The following ERG variants were observed in gnomAD, a reference collection of about 807,000 sequenced individuals.
ERG encodes ETS transcription factor ERG.
In ERG, 9 loss-of-function variants were observed where a neutral mutation model predicts 55.3. The ratio of observed to expected loss-of-function variants is 0.16; its 90% CI spans 0.10 to 0.28. The LOEUF is 0.28. Among genes scored for constraint, ERG ranks in the 10% least tolerant of loss-of-function variants. The pLI is 1.00. For missense variants in ERG, 434 were observed against 631.6 expected (o/e 0.69, Z 3.35); for synonymous variants, 223 against 237.3 (o/e 0.94, Z 0.55).
rs751162855 is a variant in ERG, at chr21:38,460,387, TC to T, written c.19-14767del. On this transcript the variant is annotated intron_variant, in intron 1 of 9. Coordinates refer to ENST00000288319, the MANE Select transcript of ERG (RefSeq NM_182918.4). The surrounding 1 kb of genome is among the most constrained non-coding windows in gnomAD (Gnocchi z 5.0). ...CTTCTTCTGTGTTGCACTAATATTT[TC>T]CATCTCATAAGGGTTCTGCAAAGAA... Among the ~76,000 whole-genome samples, 1 of 152,228 alleles carries T rather than the reference TC, an allele frequency of 6.6e-6. No individual in the cohort carries two copies. Among genetic ancestry groups the T allele is most frequent in the African/African-American group, 2.4e-5 (1 of 41,456 alleles).
rs555415961 is a variant in ERG at position 38,391,600 on chromosome 21, A to T, written c.871+59T>A. The stretch of plus-strand genomic sequence containing the variant: ...CCATTAAAAAGTGAAGCATTTTAGA[A>T]ATGTGCTGCTGAGCCTGAATCTTCT... On this transcript the variant is annotated intron_variant, in intron 8 of 9. Transcript: ENST00000288319. 4.2e-5 allele frequency: 56 copies of T among 1,347,578 alleles called. 1 individual carries two copies. The Middle Eastern group carries it at 1.8e-3, about 44-fold the overall frequency. 83.5% of individuals were successfully genotyped at this position (1,347,578 alleles called of 1,614,324 possible).
intron 1 of ERG, among the ~76,000 whole-genome samples, chr21:38,632,770 C>A (rs896084231): frequency 6.6e-6 from 1 of 152,152 alleles, no homozygotes; most frequent in Non-Finnish European, 1.5e-5. Flanking sequence ...TTATTGGCAG[C>A]ATAAAAACAG....
At chr21:38,609,930 T>C (rs545333595) in intron 1 of ERG, among the ~76,000 whole-genome samples, 48 of 152,364 alleles carry the variant, frequency 3.2e-4, no homozygotes, top group African/African-American at 1.1e-3. Context: ...TTTTTCGTTT[T>C]ATTATGACTG....
intron 2 of ERG, among the ~76,000 whole-genome samples, chr21:38,566,878 C>A (rs566518090): frequency 6.6e-6 from 1 of 152,334 alleles, no homozygotes; most frequent in East Asian, 1.9e-4. Context: ...GCTTTAGATA[C>A]CAGGAATCTG....
chr21:38,560,995 C>T (rs16996485), intron 2 of ERG, among the ~76,000 whole-genome samples: 5,179 of 152,220 alleles, frequency 0.034, 106 homozygotes, highest in Middle Eastern at 0.12. Context: ...TTTTCTAACA[C>T]ATACTTTTTA....
chr21:38,595,600 A>G (rs888522790), intron 1 of ERG, among the ~76,000 whole-genome samples: 4 of 152,218 alleles, frequency 2.6e-5, no homozygotes, highest in African/African-American at 9.6e-5. Context: ...TCAGAGCAGA[A>G]GCAGGGCGGG....
chr21:38,464,069 G>A (rs907633889), intron 1 of ERG, among the ~76,000 whole-genome samples: 1 of 152,028 alleles, frequency 6.6e-6, no homozygotes, highest in African/African-American at 2.4e-5. Flanking sequence ...CACTGGGGAT[G>A]GGTTCATGTT....
At chr21:38,513,885 T>C (rs2059532543) in intron 2 of ERG, among the ~76,000 whole-genome samples, 1 of 152,028 alleles carries the variant, frequency 6.6e-6, no homozygotes, top group Non-Finnish European at 1.5e-5. Flanking sequence ...TGTAAGTCAC[T>C]GGTGATTACA....
intron 1 of ERG, chr21:38,450,800 T>G (rs1210943088): frequency 4.7e-6 from 2 of 423,682 alleles, no homozygotes; most frequent in African/African-American, 4.1e-5. Flanking sequence ...TCTTCTTCTC[T>G]GATGGCAGAT....
At chr21:38,656,571 T>C (rs1278751180) in intron 1 of ERG, among the ~76,000 whole-genome samples, 1 of 152,166 alleles carries the variant, frequency 6.6e-6, no homozygotes, top group Non-Finnish European at 1.5e-5. Flanking sequence ...TTCTTTTACT[T>C]TCCAACTTTA....
At chr21:38,367,885 G>A in the ERG span, among the ~76,000 whole-genome samples, 11 of 152,122 alleles carry the variant, frequency 7.2e-5, no homozygotes, top group Non-Finnish European at 1.3e-4. Flanking sequence ...AGAACAATTA[G>A]AGTGCAGCAC....
intron 1 of ERG, among the ~76,000 whole-genome samples, chr21:38,621,862 T>A (rs1426520350): frequency 6.6e-6 from 1 of 152,188 alleles, no homozygotes; most frequent in East Asian, 1.9e-4. Flanking sequence ...TCCCCACTCA[T>A]GCCTTTCCAG....
upstream of ERG, among the ~76,000 whole-genome samples, chr21:38,589,179 A>C (rs964589739): frequency 6.6e-6 from 1 of 152,190 alleles, no homozygotes; most frequent in African/African-American, 2.4e-5. Context: ...GTGAAGAAAG[A>C]AAACTCCAGA....
intron 2 of ERG, among the ~76,000 whole-genome samples, chr21:38,533,890 T>C (rs1015243391): frequency 4.6e-5 from 7 of 152,276 alleles, no homozygotes; most frequent in Admixed American, 1.3e-4. Context: ...TCAGAAAATA[T>C]ATAGTTTCCT....
At chr21:38,501,232 A>T (rs556159824), upstream of ERG, among the ~76,000 whole-genome samples, 2 of 151,108 alleles carry the variant, frequency 1.3e-5, no homozygotes, top group East Asian at 3.9e-4. Flanking sequence ...CACCTGGCTA[A>T]TTTTTTTTGT....
rs869069278 is a variant in ERG at position 38,528,433 on chromosome 21, C to CTTTTTTTTTTTTTTTTT, written c.-41+47212_-41+47228dup. ...TTATACATTAGGAAGCCATAGCAAA[C>CTTTTTTTTTTTTTTTTT]TTTTTTTTTTTTTTTTTTTTTTTTT... On this transcript the variant is annotated intron_variant, in intron 2 of 8. Transcript: ENST00000398897. Among the ~76,000 whole-genome samples, 2 of 23,506 alleles carry CTTTTTTTTTTTTTTTTT rather than the reference C, an allele frequency of 8.5e-5. 1 individual carries two copies. Among genetic ancestry groups the CTTTTTTTTTTTTTTTTT allele is most frequent in the Non-Finnish European group, 1.5e-4 (2 of 13,618 alleles). 15.4% of individuals were successfully genotyped at this position (23,506 alleles called of 152,430 possible). A position where few individuals can be genotyped will look rare whatever the true frequency, so the allele number is the denominator to read the frequency against.
intron 2 of ERG, among the ~76,000 whole-genome samples, chr21:38,546,336 C>A (rs571058698): frequency 1.3e-5 from 2 of 152,270 alleles, no homozygotes; most frequent in African/African-American, 4.8e-5. Context: ...AACACAAAGC[C>A]AACATGCCAT....
chr21:38,406,557 C>T (rs534297208), intron 3 of ERG, among the ~76,000 whole-genome samples: 1 of 152,180 alleles, frequency 6.6e-6, no homozygotes, highest in African/African-American at 2.4e-5. Flanking sequence ...GAAGACCCCC[C>T]ATCCTACCCA....
chr21:38,379,928 C>G, downstream of ERG: 1 of 786,956 alleles, frequency 1.3e-6, no homozygotes, highest in Non-Finnish European at 1.5e-6. Flanking sequence ...CGGGCTCAAG[C>G]GATCCACCCG....
Sources: allele counts gnomAD v4.1 joint callset (sites outside exome capture counted in the v4.1 genomes callset), GRCh38; gene constraint gnomAD v4.1.1; non-coding constraint Gnocchi (gnomAD v3.1); transcripts MANE v1.5; gene names NCBI Gene and HGNC (gene_info 2026-07-23, HGNC 2026-07-21).